The following SPATA31H1 variants were observed in gnomAD, a reference collection of about 807,000 sequenced individuals.
SPATA31H1 encodes the protein spermatogenesis-associated protein 31H1.
chr2:27,547,977 TTC>T, the SPATA31H1 span, among the ~76,000 whole-genome samples: 1 of 132,284 alleles, frequency 7.6e-6, no homozygotes, highest in East Asian at 2.7e-4. Context: ...TAATAGTAAT[TTC>T]TTTTTTTTTT....
chr2:27,542,122 C>T, the SPATA31H1 span, among the ~76,000 whole-genome samples: 9 of 151,972 alleles, frequency 5.9e-5, no homozygotes, highest in African/African-American at 7.3e-5. Flanking sequence ...TCTGGCTGGG[C>T]GCGGTGGCTC....
At chr2:27,556,411 C>T in the SPATA31H1 span, among the ~76,000 whole-genome samples, 1 of 151,228 alleles carries the variant, frequency 6.6e-6, no homozygotes, top group African/African-American at 2.4e-5. Flanking sequence ...TTTCTGCTTG[C>T]CTTTGTGTCT....
chr2:27,538,046 C>A, the SPATA31H1 span, among the ~76,000 whole-genome samples: 2 of 151,960 alleles, frequency 1.3e-5, no homozygotes, highest in South Asian at 4.2e-4. Context: ...GAAAGGGAAG[C>A]GTATTGGATG....
the SPATA31H1 span, among the ~76,000 whole-genome samples, chr2:27,552,244 C>T: frequency 6.6e-6 from 1 of 151,944 alleles, no homozygotes; most frequent in African/African-American, 2.4e-5. Context: ...GTCTTTGCAT[C>T]ATTTTGAATT....
At chr2:27,554,539 G>A in the SPATA31H1 span, among the ~76,000 whole-genome samples, 1 of 151,264 alleles carries the variant, frequency 6.6e-6, no homozygotes, top group Non-Finnish European at 1.5e-5. Flanking sequence ...TTACATGGTG[G>A]AAAGACTGAG....
the SPATA31H1 span, chr2:27,574,214 T>C: frequency 3.8e-5 from 15 of 398,404 alleles, no homozygotes; most frequent in Middle Eastern, 1.2e-3. Context: ...GGTTGCAAGA[T>C]TTGAAATCTT....
the SPATA31H1 span, among the ~76,000 whole-genome samples, chr2:27,544,125 C>T: frequency 6.6e-6 from 1 of 151,996 alleles, no homozygotes; most frequent in African/African-American, 2.4e-5. Context: ...CAGGAAGTCA[C>T]TCTGCTTCAT....
At chr2:27,556,787 G>A in the SPATA31H1 span, among the ~76,000 whole-genome samples, 7 of 127,504 alleles carry the variant, frequency 5.5e-5, no homozygotes, top group Non-Finnish European at 1.1e-4. Flanking sequence ...GACAATAGTG[G>A]AGGGAAGGTC....
the SPATA31H1 span, among the ~76,000 whole-genome samples, chr2:27,558,933 G>T: frequency 2.9e-5 from 4 of 136,084 alleles, no homozygotes; most frequent in Non-Finnish European, 6.4e-5. Context: ...GGGAGGGAGA[G>T]GGAGAGGGAG....
the SPATA31H1 span, among the ~76,000 whole-genome samples, chr2:27,551,400 C>T: frequency 4.4e-4 from 67 of 152,122 alleles, no homozygotes; most frequent in Non-Finnish European, 8.4e-4. Flanking sequence ...ACACAAAATT[C>T]TAAAGGCTTC....
chr2:27,579,815 A>G, the SPATA31H1 span: 1 of 1,614,222 alleles, frequency 6.2e-7, no homozygotes, highest in African/African-American at 1.3e-5. Context: ...ACTTCTCAGA[A>G]CAGTTCCAGT....
chr2:27,564,518 C>T, the SPATA31H1 span, among the ~76,000 whole-genome samples: 1 of 152,094 alleles, frequency 6.6e-6, no homozygotes, highest in Non-Finnish European at 1.5e-5. Context: ...CTTAATTTGG[C>T]ATTTAAAAGG....
At chr2:27,547,381 G>GCCAGGCTAGTCTTGAACTCTTGA in the SPATA31H1 span, among the ~76,000 whole-genome samples, 1 of 151,736 alleles carries the variant, frequency 6.6e-6, no homozygotes, top group Non-Finnish European at 1.5e-5. Flanking sequence ...AACCATGTTG[G>GCCAGGCTAGTCTTGAACTCTTGA]CCAGGCTAGT....
the SPATA31H1 span, among the ~76,000 whole-genome samples, chr2:27,540,341 C>T: frequency 6.0e-4 from 61 of 102,376 alleles, no homozygotes; most frequent in Non-Finnish European, 9.0e-4. Context: ...CCAGTAGGGG[C>T]GGCCGGGCAG....
chr2:27,553,088 C>T, the SPATA31H1 span, among the ~76,000 whole-genome samples: 4 of 152,114 alleles, frequency 2.6e-5, no homozygotes, highest in African/African-American at 9.7e-5. Context: ...TCCAGTGGCT[C>T]TACTTGGCAG....
At chr2:27,571,482 T>C in the SPATA31H1 span, 3 of 398,364 alleles carry the variant, frequency 7.5e-6, no homozygotes, top group Non-Finnish European at 4.4e-6. Flanking sequence ...GTTGACTCCA[T>C]GTTCAAGAAT....
the SPATA31H1 span, chr2:27,571,367 G>A: frequency 1.3e-5 from 5 of 398,238 alleles, no homozygotes; most frequent in Non-Finnish European, 1.8e-5. Context: ...TCCCACAGCC[G>A]GAAGGTGGGA....
At chr2:27,573,420 A>G in the SPATA31H1 span, 1 of 398,508 alleles carries the variant, frequency 2.5e-6, no homozygotes, top group East Asian at 3.6e-5. Flanking sequence ...TCGAGTTGTC[A>G]CAACTGTAGA....
the SPATA31H1 span, chr2:27,567,166 G>T: frequency 1.5e-6 from 1 of 666,206 alleles, no homozygotes; most frequent in African/African-American, 1.8e-5. Context: ...AATGATGAGA[G>T]AATGAGCAAG....
Sources: gnomAD v4.1 joint callset for allele counts (sites outside exome capture counted in the v4.1 genomes callset) on GRCh38, gnomAD v4.1.1 for gene constraint, MANE v1.5 for transcripts, NCBI Gene and HGNC (gene_info 2026-07-23, HGNC 2026-07-21) for gene names.